DOCK5: variants seen among roughly 807,000 people sequenced by gnomAD.
DOCK5 encodes the protein dedicator of cytokinesis 5.
A neutral mutation model predicts 251.8 loss-of-function variants in DOCK5; 142 were observed. The ratio of observed to expected loss-of-function variants is 0.56; its 90% confidence interval spans 0.49 to 0.65. The LOEUF (loss-of-function observed/expected upper bound fraction) is 0.65, where lower values mean the gene tolerates loss of function less well. Ranked by LOEUF, DOCK5 falls within the 30% of genes least tolerant of loss-of-function variation. The pLI is 0.00. For missense variants in DOCK5, 2,111 were observed against 2,312.3 expected, an observed-to-expected ratio of 0.91 and a Z score of 1.79; for synonymous variants, 842 against 835.5, an observed-to-expected ratio of 1.01 and a Z score of -0.13.
At chr8:25,289,522 C>T (rs893494829) in intron 5 of DOCK5, among the ~76,000 whole-genome samples, 2 of 151,022 alleles carry the variant, frequency 1.3e-5, no homozygotes, top group Non-Finnish European at 3.0e-5. Flanking sequence ...GGTTATATAA[C>T]TATATCATGA....
At chr8:25,394,415 CTG>C (rs1227868583) in intron 44 of DOCK5, among the ~76,000 whole-genome samples, 8 of 151,594 alleles carry the variant, frequency 5.3e-5, no homozygotes, top group Non-Finnish European at 1.0e-4. Context: ...TGAATCTGTA[CTG>C]TGTCTCATTT....
intron 13 of DOCK5, among the ~76,000 whole-genome samples, chr8:25,311,181 G>A (rs911520081): frequency 6.6e-6 from 1 of 152,080 alleles, no homozygotes; most frequent in East Asian, 1.9e-4. Flanking sequence ...CTAAGAAAAG[G>A]GAATTGGTCC....
chr8:25,345,302 G>A (rs551490533), intron 25 of DOCK5, 173 bp from the exon 26 acceptor site: 3 of 647,910 alleles, frequency 4.6e-6, no homozygotes, highest in African/African-American at 1.8e-5. Context: ...CAAGGGTAAA[G>A]TTCCGTGCCT....
intron 2 of DOCK5, among the ~76,000 whole-genome samples, chr8:25,245,837 GTGGCAAAGTTCTATATA>G (rs1370274787): frequency 3.9e-5 from 6 of 152,258 alleles, no homozygotes; most frequent in South Asian, 4.1e-4. Context: ...ACCATGCCTG[GTGGCAAAGTTCTATATA>G]TGGTAATTAG....
chr8:25,185,117 C>A (rs1801399696), intron 1 of DOCK5, among the ~76,000 whole-genome samples, 166 bp downstream of exon 1: 1 of 152,118 alleles, frequency 6.6e-6, no homozygotes, highest in African/African-American at 2.4e-5. Flanking sequence ...CCAGGGAGCG[C>A]CGATGGGGAA....
intron 17 of DOCK5, among the ~76,000 whole-genome samples, chr8:25,324,509 G>T (rs1315022172): frequency 6.6e-6 from 1 of 152,210 alleles, no homozygotes; most frequent in Non-Finnish European, 1.5e-5. Flanking sequence ...AATATCTGGG[G>T]ATTTCCCCAC....
At chr8:25,311,863 A>T (rs937583598) in intron 13 of DOCK5, among the ~76,000 whole-genome samples, 1 of 151,840 alleles carries the variant, frequency 6.6e-6, no homozygotes, top group Non-Finnish European at 1.5e-5. Context: ...CAGAGGTTTC[A>T]GTGAGCTATG....
At chr8:25,302,935 T>C (rs1282803373) in intron 10 of DOCK5, among the ~76,000 whole-genome samples, 1 of 152,134 alleles carries the variant, frequency 6.6e-6, no homozygotes, top group Non-Finnish European at 1.5e-5. Context: ...TAGTGTTTAA[T>C]GGGTACGGAG....
chr8:25,244,724 G>C (rs573968794), intron 2 of DOCK5, among the ~76,000 whole-genome samples: 1 of 152,330 alleles, frequency 6.6e-6, no homozygotes, highest in South Asian at 2.1e-4. Flanking sequence ...AGGAAAGGAA[G>C]CAGGATTTGG....
intron 14 of DOCK5, among the ~76,000 whole-genome samples, chr8:25,318,169 A>G (rs1586324517): frequency 6.6e-6 from 1 of 151,916 alleles, no homozygotes; most frequent in African/African-American, 2.4e-5. Context: ...GCCTGCTGCA[A>G]CCTCTGCCTC....
chr8:25,392,604 CTT>C (rs1444313469), intron 43 of DOCK5, among the ~76,000 whole-genome samples, 190 bp from the exon 44 acceptor site: 1 of 152,182 alleles, frequency 6.6e-6, no homozygotes, highest in African/African-American at 2.4e-5. Flanking sequence ...TAGACGATCC[CTT>C]TCAGCTTTAA....
chr8:25,252,472 A>G (rs1803297250), intron 2 of DOCK5, among the ~76,000 whole-genome samples: 1 of 152,268 alleles, frequency 6.6e-6, no homozygotes, highest in Non-Finnish European at 1.5e-5. Context: ...TTTCTCATAC[A>G]TAAATGGCAG....
chr8:25,291,855 A>G (rs1804496639), intron 5 of DOCK5, among the ~76,000 whole-genome samples, 169 bp from the exon 6 acceptor site: 1 of 129,026 alleles, frequency 7.8e-6, no homozygotes, highest in Non-Finnish European at 1.6e-5. Flanking sequence ...CCTGGGTGAC[A>G]GAGCAAGACT....
At chr8:25,259,500 G>A (rs1586273045) in intron 2 of DOCK5, among the ~76,000 whole-genome samples, 1 of 151,944 alleles carries the variant, frequency 6.6e-6, no homozygotes, top group African/African-American at 2.4e-5. Context: ...CTATCACCTA[G>A]GGTAGAACAC....
intron 2 of DOCK5, among the ~76,000 whole-genome samples, chr8:25,258,437 A>T (rs1034787224): frequency 3.3e-5 from 5 of 152,124 alleles, no homozygotes; most frequent in Admixed American, 1.3e-4. Flanking sequence ...TTGACAAGGG[A>T]AAAAAATGGA....
chr8:25,410,502 C>A (rs1290890854), intron 51 of DOCK5, among the ~76,000 whole-genome samples: 1 of 152,000 alleles, frequency 6.6e-6, no homozygotes, highest in East Asian at 1.9e-4. Flanking sequence ...GGCTCTGTCA[C>A]CCAGGCTGGA....
intron 2 of DOCK5, among the ~76,000 whole-genome samples, chr8:25,265,002 C>A (rs1217414852): frequency 6.6e-6 from 1 of 151,908 alleles, no homozygotes; most frequent in Non-Finnish European, 1.5e-5. Context: ...CATATAATAC[C>A]TGTGTCTGGT....
In DOCK5 at chr8:25,184,854, G is replaced by T; in HGVS notation, c.-55G>T. On this transcript the variant is annotated 5_prime_UTR_variant, in exon 1 of 52. Transcript: ENST00000276440. ...GGAGCGCGGGGCGGCGGCGGCCGGA[G>T]CCCGAGGAGCTGTAGCAGCCTTAGT... The T allele has an allele frequency of 2.3e-6, 3 of 1,288,058 alleles. No individual in the cohort carries two copies. Among genetic ancestry groups the T allele is most frequent in the Middle Eastern group, 2.9e-4 (1 of 3,484 alleles). The allele number at this position is 1,288,058 out of a possible 1,614,324, so 79.8% of individuals were successfully genotyped here.
intron 6 of DOCK5, among the ~76,000 whole-genome samples, chr8:25,294,582 C>T (rs1478993680): frequency 1.3e-5 from 2 of 152,014 alleles, no homozygotes; most frequent in Non-Finnish European, 2.9e-5. Context: ...ACGATATGGC[C>T]GTTAGTATTC....
Sources: allele counts gnomAD v4.1 joint callset (sites outside exome capture counted in the v4.1 genomes callset), GRCh38; gene constraint gnomAD v4.1.1; transcripts MANE v1.5; gene names NCBI Gene and HGNC (gene_info 2026-07-23, HGNC 2026-07-21).